Variants in ZMAT4 observed in about 807,000 individuals in gnomAD.
The protein encoded by ZMAT4 is zinc finger matrin-type protein 4.
A neutral mutation model predicts 28.7 loss-of-function variants in ZMAT4; 17 were observed. The ratio of observed to expected loss-of-function variants is 0.59; its 90% CI spans 0.41 to 0.89. The LOEUF (loss-of-function observed/expected upper bound fraction) is 0.89. ZMAT4 is among the 40% of genes least tolerant of loss of function. The pLI is 0.00. For synonymous variants in ZMAT4, 117 were observed against 109.2 expected (o/e 1.07, Z -0.44); for missense variants, 240 against 283.8 (o/e 0.85, Z 1.11).
At chr8:40,677,486 T>C (rs1808961256) in intron 4 of ZMAT4, among the ~76,000 whole-genome samples, 1 of 152,138 alleles carries the variant, frequency 6.6e-6, no homozygotes, top group Admixed American at 6.6e-5. Context: ...CTAACGTCCC[T>C]GGTTTCCTCA....
intron 6 of ZMAT4, among the ~76,000 whole-genome samples, chr8:40,574,030 C>T (rs983496286): frequency 1.3e-5 from 2 of 152,144 alleles, no homozygotes; most frequent in African/African-American, 4.8e-5. Context: ...CACCTGAATA[C>T]TTATGTTTAT....
intron 5 of ZMAT4, among the ~76,000 whole-genome samples, chr8:40,618,547 T>C (rs992128356): frequency 2.0e-5 from 3 of 152,206 alleles, no homozygotes; most frequent in African/African-American, 7.2e-5. Context: ...GTACAAGGTT[T>C]TTAATCATCT....
intron 1 of ZMAT4, among the ~76,000 whole-genome samples, chr8:40,841,060 C>A (rs1443468800): frequency 2.0e-5 from 3 of 152,196 alleles, no homozygotes; most frequent in Non-Finnish European, 2.9e-5. Context: ...ATGCTGGCGT[C>A]AGGGGCAAAA....
At chr8:40,584,428 A>C (rs1416415293) in intron 5 of ZMAT4, among the ~76,000 whole-genome samples, 1 of 152,192 alleles carries the variant, frequency 6.6e-6, no homozygotes, top group Non-Finnish European at 1.5e-5. Context: ...ACTTTTAATA[A>C]ATTTTGGAAA....
In ZMAT4 at chr8:40,530,799, G is replaced by T. The variant is rs753133; in HGVS notation, c.*1424C>A. On this transcript the variant is annotated 3_prime_UTR_variant, in exon 7 of 7. Coordinates refer to ENST00000297737, the MANE Select transcript of ZMAT4 (RefSeq NM_024645.3). ...GTGGCTCGTGGGGCTTCGTCTCTCT[G>T]CAGGCACAGAAACTGGCAGACCTGG... The T allele has an allele frequency of 0.16, 25,057 of 152,486 alleles. 2,320 individuals carry two copies. The highest frequency in any genetic ancestry group is 0.24 in the African/African-American group (9,901 of 41,412). 9.4% of individuals were successfully genotyped at this position (152,486 alleles called of 1,614,324 possible).
intron 2 of ZMAT4, among the ~76,000 whole-genome samples, chr8:40,824,888 C>A (rs1041356613): frequency 6.6e-6 from 1 of 152,184 alleles, no homozygotes; most frequent in African/African-American, 2.4e-5. Context: ...CAATCCACAG[C>A]ACCTCATTTC....
At chr8:40,596,261 G>T (rs554829614) in intron 5 of ZMAT4, among the ~76,000 whole-genome samples, 6 of 152,276 alleles carry the variant, frequency 3.9e-5, no homozygotes, top group Admixed American at 2.6e-4. Context: ...GTACACTACT[G>T]CAGACTTTAT....
intron 2 of ZMAT4, among the ~76,000 whole-genome samples, chr8:40,824,430 G>A (rs1309701220): frequency 1.3e-5 from 2 of 152,176 alleles, no homozygotes; most frequent in East Asian, 1.9e-4. Context: ...GGATGACTGA[G>A]TGAGACCCTG....
chr8:40,891,274 G>T (rs1818674340), intron 1 of ZMAT4, among the ~76,000 whole-genome samples: 1 of 142,612 alleles, frequency 7.0e-6, no homozygotes, highest in Non-Finnish European at 1.6e-5. Context: ...GAGGGGGAAG[G>T]GGAAATTGAA....
chr8:40,571,048 C>T (rs550078509), intron 6 of ZMAT4, among the ~76,000 whole-genome samples: 2 of 152,172 alleles, frequency 1.3e-5, no homozygotes, highest in South Asian at 4.2e-4. Context: ...CGGAACCATT[C>T]TGGAGGCAAT....
chr8:40,790,251 A>G (rs1468483209), intron 2 of ZMAT4, among the ~76,000 whole-genome samples: 4 of 152,262 alleles, frequency 2.6e-5, no homozygotes, highest in African/African-American at 4.8e-5. Flanking sequence ...TGATTGTAGC[A>G]GTAGAAAATA....
chr8:40,754,691 G>T (rs150333501), intron 3 of ZMAT4, among the ~76,000 whole-genome samples: 12 of 151,988 alleles, frequency 7.9e-5, no homozygotes, highest in African/African-American at 2.7e-4. Context: ...AGGAATTTGG[G>T]TTACCATAAT....
At chr8:40,684,269 C>G (rs1809303216) in intron 4 of ZMAT4, among the ~76,000 whole-genome samples, 1 of 152,170 alleles carries the variant, frequency 6.6e-6, no homozygotes, top group Non-Finnish European at 1.5e-5. Context: ...CATTGCTTAG[C>G]AAGAATCAAT....
At chr8:40,771,006 A>C (rs2150564315) in intron 2 of ZMAT4, among the ~76,000 whole-genome samples, 1 of 152,294 alleles carries the variant, frequency 6.6e-6, no homozygotes, top group South Asian at 2.1e-4. Flanking sequence ...AGAAAGTTAA[A>C]ATTAATTGAA....
chr8:40,752,659 A>C (rs1257837606), intron 3 of ZMAT4, among the ~76,000 whole-genome samples: 2 of 152,110 alleles, frequency 1.3e-5, no homozygotes, highest in African/African-American at 4.8e-5. Flanking sequence ...TCTTACACTA[A>C]TTATCCCATT....
intron 3 of ZMAT4, among the ~76,000 whole-genome samples, chr8:40,713,452 AAAC>A: frequency 6.6e-6 from 1 of 152,274 alleles, no homozygotes; most frequent in East Asian, 1.9e-4. Flanking sequence ...TAGAAAAAAA[AAAC>A]AACATGAAGG....
intron 1 of ZMAT4, among the ~76,000 whole-genome samples, chr8:40,826,794 A>C (rs1303048587): frequency 6.6e-6 from 1 of 152,178 alleles, no homozygotes; most frequent in Admixed American, 6.5e-5. Context: ...AATGCAGCCA[A>C]GGATCTCAAG....
intron 1 of ZMAT4, among the ~76,000 whole-genome samples, chr8:40,845,134 G>T (rs372801896): frequency 2.3e-4 from 35 of 152,240 alleles, no homozygotes; most frequent in African/African-American, 7.7e-4. Context: ...AATAAATATC[G>T]CATCTACAGC....
intron 1 of ZMAT4, among the ~76,000 whole-genome samples, chr8:40,826,607 T>G (rs1354155821): frequency 2.0e-5 from 3 of 152,170 alleles, no homozygotes; most frequent in Non-Finnish European, 4.4e-5. Context: ...ACAATCAGAC[T>G]AAACTATAAC....
Sources: gnomAD v4.1 joint callset for allele counts (sites outside exome capture counted in the v4.1 genomes callset) on GRCh38, gnomAD v4.1.1 for gene constraint, MANE v1.5 for transcripts, NCBI Gene and HGNC (gene_info 2026-07-23, HGNC 2026-07-21) for gene names.